The following LRRC36 variants were observed in gnomAD, a reference collection of about 807,000 sequenced individuals.
LRRC36 encodes the protein leucine rich repeat containing 36.
Under a neutral mutation model 81.1 loss-of-function variants are expected in LRRC36, and 62 were observed. That is an observed-to-expected ratio of 0.76 (90% CI 0.62 to 0.94). LRRC36 has a LOEUF of 0.94. LRRC36 is among the 40% of genes least tolerant of loss of function. The pLI, the probability that LRRC36 is intolerant of heterozygous loss-of-function variation, is 0.00. For synonymous variants in LRRC36, 334 were observed against 348.6 expected (o/e 0.96, Z 0.47); for missense variants, 761 against 881.7 (o/e 0.86, Z 1.73).
intron 1 of LRRC36, among the ~76,000 whole-genome samples, chr16:67,340,769 C>T (rs894109752): frequency 2.4e-4 from 35 of 145,986 alleles, no homozygotes; most frequent in African/African-American, 9.0e-4. Context: ...AGAATATATA[C>T]CACATATACT....
intron 9 of LRRC36, among the ~76,000 whole-genome samples, chr16:67,374,096 T>C (rs990424594): frequency 6.6e-6 from 1 of 151,986 alleles, no homozygotes; most frequent in Non-Finnish European, 1.5e-5. Flanking sequence ...TTCGAGAAGC[T>C]GGGATAGGAG....
chr16:67,346,461 T>C lies in LRRC36; in HGVS notation c.391+13T>C, dbSNP rs774046866. The C allele has an allele frequency of 1.4e-4, 222 of 1,537,838 alleles. No individual in the cohort carries two copies. The highest frequency in any genetic ancestry group is 1.9e-4 in the Non-Finnish European group (210 of 1,126,836). The stretch of plus-strand genomic sequence containing the variant: ...CTGGAGAAATTAGGTAAGACCTTCC[T>C]TCTCTGTTCCTGTCCACAGAATCTT... On this transcript the variant is annotated intron_variant, in intron 3 of 13. Transcript: ENST00000329956.
At chr16:67,333,338 G>T (rs550983343) in intron 1 of LRRC36, among the ~76,000 whole-genome samples, 23 of 152,124 alleles carry the variant, frequency 1.5e-4, no homozygotes, top group African/African-American at 5.5e-4. Context: ...CACCATGTTG[G>T]CCAGGCTGGT....
At position 67,385,194 on chromosome 16, in the gene LRRC36, T is replaced by C. The variant is rs1166929576; in HGVS notation, c.*105T>C. The C allele has an allele frequency of 1.3e-6, 1 of 785,372 alleles. No homozygotes were observed. The highest frequency in any genetic ancestry group is 2.1e-6 in the Non-Finnish European group (1 of 478,162). The allele number at this position is 785,372 out of a possible 1,614,324, so 48.7% of individuals were successfully genotyped here. A position where few individuals can be genotyped will look rare whatever the true frequency, so the allele number is the denominator to read the frequency against. On this transcript the variant is annotated 3_prime_UTR_variant, in exon 14 of 14. Coordinates refer to ENST00000329956, the MANE Select transcript of LRRC36 (RefSeq NM_018296.6). ...ACTCACAAAGATTAAGAAAGAAATG[T>C]ATTCTGATTAGATTGTATTGGTCCT... is the stretch of plus-strand genomic sequence containing the variant.
intron 12 of LRRC36, among the ~76,000 whole-genome samples, chr16:67,379,305 C>T (rs919266972): frequency 6.6e-6 from 1 of 152,070 alleles, no homozygotes; most frequent in Non-Finnish European, 1.5e-5. Flanking sequence ...ACCTATAGAG[C>T]CAAAGAGGCT....
At chr16:67,344,600 C>A (rs568003221) in intron 2 of LRRC36, among the ~76,000 whole-genome samples, 127 of 151,932 alleles carry the variant, frequency 8.4e-4, no homozygotes, top group African/African-American at 2.5e-3. Flanking sequence ...TCAGAAAAAA[C>A]CAAAAAACAA....
At chr16:67,346,173 A>G in intron 2 of LRRC36, 83 bp from the exon 3 acceptor site, 1 of 912,514 alleles carries the variant, frequency 1.1e-6, no homozygotes, top group Non-Finnish European at 1.6e-6. Flanking sequence ...AAGGACGGAA[A>G]GTAACATATA....
chr16:67,327,166 AG>A (rs2037226852), intron 1 of LRRC36: 1 of 441,968 alleles, frequency 2.3e-6, no homozygotes, highest in Non-Finnish European at 3.9e-6. Flanking sequence ...GAGAGAGAAG[AG>A]GGGAGTGTGA....
chr16:67,382,172 T>A lies in LRRC36; in HGVS notation c.1970T>A (p.Val657Glu). Residue 657 changes from valine (V) to glutamate (E), a missense_variant, in exon 13 of 14, where the codon GTG becomes GAG. By Grantham distance (121) the Val-to-Glu change is moderately radical (BLOSUM62 -2). Coordinates refer to ENST00000329956, the MANE Select transcript of LRRC36 (RefSeq NM_018296.6). ...LHKNQQLTMQ[V>E]ACLNQELAQL... ...AAAAACCAACAGCTGACCATGCAGG[T>A]GGCTTGCCTGAACCAGGAGCTTGCC... 6.2e-7 allele frequency: 1 copy of A among 1,614,142 alleles called. No homozygotes were observed. The highest frequency in any genetic ancestry group is 8.5e-7 in the Non-Finnish European group (1 of 1,180,020).
At position 67,367,301 on chromosome 16, in the gene LRRC36, CT is replaced by C. The variant is rs781774486; in HGVS notation, c.1041del (p.Gly348ValfsTer15). The C allele has an allele frequency of 5.6e-6, 9 of 1,614,152 alleles. No individual in the cohort carries two copies. Among genetic ancestry groups the C allele is most frequent in the South Asian group, 3.3e-5 (3 of 91,074 alleles). ...YSQTLSLHGS[L>X]GKRPQRSKNY... ...TCAAACTCTATCCCTGCATGGAAGT[CT>C]TGGTAAAAGGCCTCAGAGAAGCAAG... On this transcript the variant is annotated frameshift_variant, in exon 8 of 14. Coordinates refer to ENST00000329956, the MANE Select transcript of LRRC36 (RefSeq NM_018296.6). LOFTEE classifies it high-confidence loss of function.
In LRRC36 at chr16:67,345,708, G is replaced by C. The variant is rs147527418; in HGVS notation, c.199-548G>C. On this transcript the variant is annotated intron_variant, in intron 2 of 13. Transcript: ENST00000329956. Reference sequence around the variant, plus strand: ...TAGCATTGTTTTGTTTCCCTAAATAGTCCTTTGACCATATAAGTGAGGCAC... The same window carrying C: ...TAGCATTGTTTTGTTTCCCTAAATACTCCTTTGACCATATAAGTGAGGCAC... Among the ~76,000 whole-genome samples the C allele has an allele frequency of 3.2e-4, 49 of 152,020 alleles. No homozygotes were observed. In the East Asian group the frequency reaches 9.3e-3, roughly 29 times the overall value.
chr16:67,372,808 C>T (rs568818581), intron 9 of LRRC36, among the ~76,000 whole-genome samples: 45 of 152,096 alleles, frequency 3.0e-4, no homozygotes, highest in Non-Finnish European at 4.3e-4. Flanking sequence ...CTGTTAAAGA[C>T]TTCCTATTCA....
intron 9 of LRRC36, among the ~76,000 whole-genome samples, chr16:67,372,357 CAAA>C (rs1292857870): frequency 7.7e-6 from 1 of 129,568 alleles, no homozygotes. Context: ...ACTCTGTCTC[CAAA>C]AAAAAAAAAA....
intron 13 of LRRC36, among the ~76,000 whole-genome samples, chr16:67,383,305 G>T (rs181688265): frequency 2.0e-5 from 3 of 152,240 alleles, no homozygotes; most frequent in Admixed American, 1.3e-4. Context: ...TATATTCAGA[G>T]GATTAGACCC....
At position 67,339,929 on chromosome 16, in the gene LRRC36, G is replaced by A. The variant is rs554298280; in HGVS notation, c.71-2028G>A. On this transcript the variant is annotated intron_variant, in intron 1 of 13. Coordinates refer to ENST00000329956, the MANE Select transcript of LRRC36 (RefSeq NM_018296.6). The stretch of plus-strand genomic sequence containing the variant: ...AGGCCAAGTCAGGTGGATCACCTGA[G>A]GTCAGGAGTTTGAGACCAGCCTGGG... 1.7e-4 allele frequency among the ~76,000 whole-genome samples: 26 copies of A among 152,154 alleles called. No homozygotes were observed. In the South Asian group the frequency reaches 4.8e-3, roughly 28 times the overall value.
chr16:67,350,535 A>G (rs778865425), intron 5 of LRRC36, among the ~76,000 whole-genome samples: 6 of 152,204 alleles, frequency 3.9e-5, no homozygotes, highest in Non-Finnish European at 8.8e-5. Context: ...ACATCACTTT[A>G]CATCATTAGT....
In LRRC36 at chr16:67,342,050, T is replaced by A; in HGVS notation, c.164T>A (p.Leu55Ter). 6.2e-7 allele frequency: 1 copy of A among 1,610,966 alleles called. No homozygotes were observed. Among genetic ancestry groups the A allele is most frequent in the Non-Finnish European group, 8.5e-7 (1 of 1,177,680 alleles). The change falls in exon 2 of 14, where the codon TTA becomes TAA. Residue 55 changes from leucine (L) to a stop codon, truncating the protein, a stop_gained. Coordinates refer to ENST00000329956, the MANE Select transcript of LRRC36 (RefSeq NM_018296.6). LOFTEE classifies it high-confidence loss of function. ...AGAAATTTTAAAAATCTCCGATCCT[T>A]AGATTTATCAAGGAATTTGATCACT... ...AFRNFKNLRS[L>*]DLSRNLITSL...
At chr16:67,334,859 T>A (rs756245137) in intron 1 of LRRC36, among the ~76,000 whole-genome samples, 1 of 152,038 alleles carries the variant, frequency 6.6e-6, no homozygotes, top group Non-Finnish European at 1.5e-5. Context: ...AGACATCACA[T>A]GTCAGCAGGT....
chr16:67,335,585 A>G lies in LRRC36; in HGVS notation c.71-6372A>G, dbSNP rs566478756. On this transcript the variant is annotated intron_variant, in intron 1 of 13. Coordinates refer to ENST00000329956, the MANE Select transcript of LRRC36 (RefSeq NM_018296.6). ...GAAGATGACGGAATTAAGAGATTAA[A>G]GTAAAGACAGGCATAGGAAATCACA... Among the ~76,000 whole-genome samples the G allele has an allele frequency of 1.2e-4, 19 of 152,358 alleles. No individual in the cohort carries two copies. The East Asian group carries it at 3.5e-3, about 28-fold the overall frequency.
Sources: allele counts gnomAD v4.1 joint callset (sites outside exome capture counted in the v4.1 genomes callset), GRCh38; gene constraint gnomAD v4.1.1; transcripts MANE v1.5; gene names NCBI Gene and HGNC (gene_info 2026-07-23, HGNC 2026-07-21).